Variants in DENND5B observed in about 807,000 individuals in gnomAD.
DENND5B encodes DENN domain containing 5B.
In DENND5B, 34 loss-of-function variants were observed where a neutral mutation model predicts 140.6. The observed-to-expected ratio is 0.24, with a 90% CI of 0.18 to 0.32. The LOEUF is 0.32. DENND5B is among the 10% of genes least tolerant of loss of function. The pLI, the probability that DENND5B is intolerant of heterozygous loss-of-function variation, is 1.00. For synonymous variants in DENND5B, 551 were observed against 562.1 expected, an observed-to-expected ratio of 0.98 and a Z score of 0.28; for missense variants, 1,142 against 1,560.2, an observed-to-expected ratio of 0.73 and a Z score of 4.52.
At chr12:31,479,470 A>T (rs1945970817) in intron 3 of DENND5B, 119 bp downstream of exon 3, 1 of 1,020,518 alleles carries the variant, frequency 9.8e-7, no homozygotes, top group Non-Finnish European at 1.3e-6. Context: ...TGCTCCCTTT[A>T]CACAAAACAG....
intron 1 of DENND5B, among the ~76,000 whole-genome samples, chr12:31,562,569 G>A (rs1048940477): frequency 3.3e-5 from 5 of 151,886 alleles, no homozygotes; most frequent in Non-Finnish European, 7.4e-5. Flanking sequence ...AGCCGAGATC[G>A]CACCATTGCG....
chr12:31,529,149 C>T (rs10771845), intron 1 of DENND5B, among the ~76,000 whole-genome samples: 80,983 of 141,302 alleles, frequency 0.57, 23,240 homozygotes, highest in East Asian at 0.82. Context: ...CGCAACAGAG[C>T]GAAACTCTGT....
chr12:31,460,007 A>G (rs1374891978), intron 4 of DENND5B, among the ~76,000 whole-genome samples, 187 bp downstream of exon 4: 1 of 152,244 alleles, frequency 6.6e-6, no homozygotes, highest in Non-Finnish European at 1.5e-5. Flanking sequence ...ACCAGGTTTA[A>G]TGACTATGTA....
intron 11 of DENND5B, among the ~76,000 whole-genome samples, chr12:31,422,734 T>G (rs960302713): frequency 1.3e-5 from 2 of 152,130 alleles, no homozygotes; most frequent in African/African-American, 4.8e-5. Context: ...AAATGGTTAT[T>G]TTACATAAAG....
intron 1 of DENND5B, among the ~76,000 whole-genome samples, chr12:31,575,986 A>G (rs1471023616): frequency 5.9e-5 from 9 of 151,564 alleles, no homozygotes; most frequent in Non-Finnish European, 2.9e-5. Context: ...GAAAGAAAGA[A>G]AAAAGTTAAC....
chr12:31,393,986 G>C (rs973508656), intron 17 of DENND5B, among the ~76,000 whole-genome samples: 4 of 151,600 alleles, frequency 2.6e-5, no homozygotes, highest in Non-Finnish European at 4.4e-5. Flanking sequence ...CACCATGCCC[G>C]GCTAACGTTT....
intron 8 of DENND5B, among the ~76,000 whole-genome samples, chr12:31,431,481 T>C (rs1010749838): frequency 6.6e-6 from 1 of 152,188 alleles, no homozygotes; most frequent in Non-Finnish European, 1.5e-5. Flanking sequence ...TCTGTCTTTG[T>C]GTGCTTTTAA....
At chr12:31,431,967 A>G in intron 8 of DENND5B, 2 of 717,532 alleles carry the variant, frequency 2.8e-6, no homozygotes, top group Non-Finnish European at 3.4e-6. Context: ...GCACTCACAC[A>G]TGTGTAACAT....
At chr12:31,430,841 G>A (rs1943478655) in intron 8 of DENND5B, among the ~76,000 whole-genome samples, 1 of 152,080 alleles carries the variant, frequency 6.6e-6, no homozygotes, top group African/African-American at 2.4e-5. Context: ...TCTCCTTCTG[G>A]GCATCTCTGC....
rs1250197383 is a variant in DENND5B at position 31,383,443 on chromosome 12, C to T, written c.*4160G>A. On this transcript the variant is annotated 3_prime_UTR_variant, in exon 21 of 21. Coordinates refer to ENST00000389082, the MANE Select transcript of DENND5B (RefSeq NM_144973.4). ...GAAATATGAGCAGTTCAGTATTTCC[C>T]CCATATCATTCATATAGTGTGATAG... 1 of 152,066 alleles carries T rather than the reference C, an allele frequency of 6.6e-6. No individual in the cohort carries two copies. Among genetic ancestry groups the T allele is most frequent in the Non-Finnish European group, 1.5e-5 (1 of 68,004 alleles). The allele number at this position is 152,066 out of a possible 1,614,324, so 9.4% of individuals were successfully genotyped here.
intron 12 of DENND5B, among the ~76,000 whole-genome samples, chr12:31,413,899 G>T (rs1469673): frequency 0.58 from 87,644 of 151,974 alleles, 25,740 homozygotes; most frequent in East Asian, 0.82. Context: ...TCCAAAAAAA[G>T]TAATGAAACA....
At chr12:31,494,936 C>G (rs1278099299) in intron 2 of DENND5B, among the ~76,000 whole-genome samples, 1 of 152,128 alleles carries the variant, frequency 6.6e-6, no homozygotes, top group African/African-American at 2.4e-5. Flanking sequence ...CTGCTTTTGT[C>G]GCTTCATTCT....
intron 2 of DENND5B, among the ~76,000 whole-genome samples, chr12:31,489,084 T>C (rs1946417457): frequency 6.6e-6 from 1 of 152,188 alleles, no homozygotes; most frequent in African/African-American, 2.4e-5. Flanking sequence ...ATTATGCAAA[T>C]ACAATCATAT....
chr12:31,460,175 T>G lies in DENND5B; in HGVS notation c.1092+19A>C. 4.4e-6 allele frequency: 7 copies of G among 1,597,278 alleles called. No individual in the cohort carries two copies. The highest frequency in any genetic ancestry group is 6.0e-6 in the Non-Finnish European group (7 of 1,169,898). The stretch of plus-strand genomic sequence containing the variant: ...AAATCAGCAAACAGCAAATGCTTCA[T>G]CATTCATTGTAGTTTTACCTCTTGA... On this transcript the variant is annotated intron_variant, in intron 4 of 20. Coordinates refer to ENST00000389082, the MANE Select transcript of DENND5B (RefSeq NM_144973.4).
Position 31,579,660 on chromosome 12 carries a change from T to A in DENND5B, c.127+11046A>T, listed in dbSNP as rs111712871. Among the ~76,000 whole-genome samples the A allele has an allele frequency of 1.5e-3, 228 of 151,448 alleles. 1 individual carries two copies. Among genetic ancestry groups the A allele is most frequent in the African/African-American group, 5.0e-3 (208 of 41,216 alleles). On this transcript the variant is annotated intron_variant, in intron 1 of 20. Transcript: ENST00000389082. ...TGGGTTTATTTATTTATTTATTTAT[T>A]TTTTTGAGACACAGCGAGATTCTGA...
chr12:31,513,673 G>A (rs927345253), intron 1 of DENND5B, among the ~76,000 whole-genome samples: 8 of 151,754 alleles, frequency 5.3e-5, no homozygotes, highest in African/African-American at 1.2e-4. Flanking sequence ...TTCTGTTTTG[G>A]GTTTTTGAGC....
At chr12:31,441,791 GTGATTCTCCCACT>G (rs1329107588) in intron 7 of DENND5B, among the ~76,000 whole-genome samples, 1 of 152,192 alleles carries the variant, frequency 6.6e-6, no homozygotes, top group East Asian at 1.9e-4. Flanking sequence ...TGGGGCTCAA[GTGATTCTCCCACT>G]TGAGTAAATG....
At chr12:31,581,458 G>A (rs1950205706) in intron 1 of DENND5B, among the ~76,000 whole-genome samples, 1 of 152,108 alleles carries the variant, frequency 6.6e-6, no homozygotes, top group Non-Finnish European at 1.5e-5. Context: ...GGAGGCCGAG[G>A]CGGGCAGATC....
In DENND5B at chr12:31,430,188, A is replaced by G. The variant is rs192916275; in HGVS notation, c.2106+2967T>C. Among the ~76,000 whole-genome samples, 111 of 150,316 alleles carry G rather than the reference A, an allele frequency of 7.4e-4. No individual in the cohort carries two copies. In the East Asian group the frequency reaches 0.019, roughly 25 times the overall value. On this transcript the variant is annotated intron_variant, in intron 8 of 20. Transcript: ENST00000389082. ...CAGGCACATGCCACCACACCCGGCTAGTTTTTGTATTTTTAGCAGAGGCGG... is the reference window on the plus strand; with the variant it reads ...CAGGCACATGCCACCACACCCGGCTGGTTTTTGTATTTTTAGCAGAGGCGG...
Sources: gnomAD v4.1 joint callset for allele counts (sites outside exome capture counted in the v4.1 genomes callset) on GRCh38, gnomAD v4.1.1 for gene constraint, MANE v1.5 for transcripts, NCBI Gene and HGNC (gene_info 2026-07-23, HGNC 2026-07-21) for gene names.